Variants in RTN1 observed in about 807,000 individuals in gnomAD.
RTN1 encodes reticulon 1, also known as reticulon-1.
Under a neutral mutation model 65.5 loss-of-function variants are expected in RTN1, and 25 were observed. The observed-to-expected ratio is 0.38, with a 90% CI of 0.28 to 0.53. The LOEUF is 0.53. RTN1 is among the 20% of genes least tolerant of loss of function. The probability of loss-of-function intolerance (pLI) is 0.79; values close to 1 mark genes in which losing one functional copy is unlikely to be tolerated. For synonymous variants in RTN1, 471 were observed against 447.6 expected (o/e 1.05, Z -0.66); for missense variants, 983 against 1,025.4 (o/e 0.96, Z 0.57).
intron 2 of RTN1, among the ~76,000 whole-genome samples, chr14:59,735,650 C>T (rs1049651422): frequency 4.6e-5 from 7 of 152,186 alleles, no homozygotes; most frequent in Non-Finnish European, 7.3e-5. Flanking sequence ...AAGGACATTA[C>T]ATAATGGTAA....
chr14:59,830,579 C>A (rs1018707128), intron 1 of RTN1, among the ~76,000 whole-genome samples: 10 of 152,206 alleles, frequency 6.6e-5, no homozygotes, highest in Admixed American at 3.3e-4. Context: ...CTTTTCCAAG[C>A]CTTCTTTCCT....
rs1352503883 is a variant in RTN1, at chr14:59,790,316, GGAA to G, written c.242-43838_242-43836del. Among the ~76,000 whole-genome samples the G allele has an allele frequency of 6.6e-6, 1 of 151,572 alleles. No individual in the cohort carries two copies. The highest frequency in any genetic ancestry group is 1.5e-5 in the Non-Finnish European group (1 of 67,846). On this transcript the variant is annotated intron_variant, in intron 1 of 8. Coordinates refer to ENST00000267484, the MANE Select transcript of RTN1 (RefSeq NM_021136.3). This position sits in a 1 kb window ranked among gnomAD's most constrained non-coding sequence, Gnocchi z 4.1. Reference sequence around the variant, plus strand: ...ACACACCTCTAGGAAAAAAGTAGTGGGAAATATGGCAACACATTGATAGCAGTA... The same window carrying G: ...ACACACCTCTAGGAAAAAAGTAGTGGATATGGCAACACATTGATAGCAGTA...
intron 2 of RTN1, among the ~76,000 whole-genome samples, chr14:59,738,158 A>C (rs150908190): frequency 2.0e-5 from 3 of 152,236 alleles, no homozygotes; most frequent in Non-Finnish European, 4.4e-5. Flanking sequence ...CAAACTGACA[A>C]ATGGGATCTA....
intron 3 of RTN1, among the ~76,000 whole-genome samples, chr14:59,633,246 CACAG>C (rs1342430396): frequency 6.6e-6 from 1 of 152,220 alleles, no homozygotes; most frequent in African/African-American, 2.4e-5. Context: ...ATGGCTATTT[CACAG>C]ACAGATTCAC....
intron 3 of RTN1, among the ~76,000 whole-genome samples, chr14:59,612,789 T>G (rs537971905): frequency 6.6e-6 from 1 of 152,262 alleles, no homozygotes; most frequent in East Asian, 1.9e-4. Context: ...GGACAGGAAT[T>G]TTGGGGTTCA....
chr14:59,820,164 T>C (rs1473234896), intron 1 of RTN1, among the ~76,000 whole-genome samples: 2 of 152,190 alleles, frequency 1.3e-5, no homozygotes, highest in East Asian at 1.9e-4. Context: ...AATTTTTTCA[T>C]ATGCTTGTTG....
At chr14:59,602,504 A>T (rs1881610772) in intron 8 of RTN1, among the ~76,000 whole-genome samples, 1 of 152,152 alleles carries the variant, frequency 6.6e-6, no homozygotes, top group Non-Finnish European at 1.5e-5. Context: ...GGGAGCCATA[A>T]AGTAAGGCTG....
intron 1 of RTN1, among the ~76,000 whole-genome samples, chr14:59,755,467 A>G (rs560329966): frequency 1.2e-4 from 19 of 152,332 alleles, no homozygotes; most frequent in African/African-American, 3.6e-4. Flanking sequence ...GTAAATCTGC[A>G]TTCACCTTTC....
intron 1 of RTN1, among the ~76,000 whole-genome samples, chr14:59,812,131 T>G (rs1457920126): frequency 1.3e-5 from 2 of 152,170 alleles, no homozygotes; most frequent in African/African-American, 4.8e-5. Context: ...AGAGCCAGGA[T>G]TGCACAAACA....
chr14:59,814,433 G>A (rs1418127339), intron 1 of RTN1, among the ~76,000 whole-genome samples: 3 of 152,182 alleles, frequency 2.0e-5, no homozygotes, highest in South Asian at 4.1e-4. Flanking sequence ...AGTCAGGGCC[G>A]TTGTATAGTG....
chr14:59,603,800 C>T (rs760597008), intron 6 of RTN1, 52 bp downstream of exon 6: 4 of 1,440,446 alleles, frequency 2.8e-6, no homozygotes, highest in South Asian at 1.2e-5. Flanking sequence ...TAGGAAGCAG[C>T]GTTTTCACAG....
In RTN1 at chr14:59,803,064, A is replaced by G. The variant is rs1323614608; in HGVS notation, c.242-56583T>C. Among the ~76,000 whole-genome samples the G allele has an allele frequency of 6.6e-6, 1 of 152,090 alleles. No individual in the cohort carries two copies. The highest frequency in any genetic ancestry group is 2.4e-5 in the African/African-American group (1 of 41,428). The stretch of plus-strand genomic sequence containing the variant: ...AACTGATTTAAAAAAGTCATTTGCC[A>G]TTTGCACTGGGATAAGCACACAGGC... On this transcript the variant is annotated intron_variant, in intron 1 of 8. Transcript: ENST00000267484. The surrounding 1 kb of genome is among the most constrained non-coding windows in gnomAD (Gnocchi z 5.6).
chr14:59,617,453 T>G (rs1475967977), intron 3 of RTN1, among the ~76,000 whole-genome samples: 3 of 152,222 alleles, frequency 2.0e-5, no homozygotes, highest in African/African-American at 7.2e-5. Context: ...GAAAAATAAT[T>G]ACTCTTGCTG....
chr14:59,738,200 A>T (rs1885039321), intron 2 of RTN1, among the ~76,000 whole-genome samples: 1 of 152,230 alleles, frequency 6.6e-6, no homozygotes, highest in Non-Finnish European at 1.5e-5. Context: ...AGCAAAAGAA[A>T]CTATCATCAG....
At chr14:59,838,029 A>G (rs1485682096) in intron 1 of RTN1, among the ~76,000 whole-genome samples, 1 of 152,140 alleles carries the variant, frequency 6.6e-6, no homozygotes, top group Admixed American at 6.6e-5. Flanking sequence ...GGTTTGGGGT[A>G]CAAATGATCC....
chr14:59,663,636 GA>G (rs200002379), intron 3 of RTN1, among the ~76,000 whole-genome samples: 22 of 121,484 alleles, frequency 1.8e-4, no homozygotes, highest in East Asian at 4.6e-4. Context: ...AAATTTACAA[GA>G]AAAAAAAAAC....
At chr14:59,848,703 T>C (rs1887452227) in intron 1 of RTN1, among the ~76,000 whole-genome samples, 1 of 152,196 alleles carries the variant, frequency 6.6e-6, no homozygotes, top group Non-Finnish European at 1.5e-5. Flanking sequence ...TTAAGACTAT[T>C]TTATGTAACC....
At chr14:59,801,004 C>T (rs1886536428) in intron 1 of RTN1, among the ~76,000 whole-genome samples, 1 of 151,428 alleles carries the variant, frequency 6.6e-6, no homozygotes, top group South Asian at 2.1e-4. Flanking sequence ...AGGAAAGAAT[C>T]AGTGAACTAA....
intron 1 of RTN1, among the ~76,000 whole-genome samples, chr14:59,789,997 G>A (rs1886319276): frequency 6.6e-6 from 1 of 151,964 alleles, no homozygotes; most frequent in Non-Finnish European, 1.5e-5. Flanking sequence ...TAAACTTACG[G>A]CTATCGAATG....
Sources: allele counts gnomAD v4.1 joint callset (sites outside exome capture counted in the v4.1 genomes callset), GRCh38; gene constraint gnomAD v4.1.1; non-coding constraint Gnocchi (gnomAD v3.1); transcripts MANE v1.5; gene names NCBI Gene and HGNC (gene_info 2026-07-23, HGNC 2026-07-21).